GATM: variants seen among roughly 807,000 people sequenced by gnomAD.
GATM encodes glycine amidinotransferase, mitochondrial.
GATM carries 23 observed loss-of-function variants against 54.2 expected under a neutral mutation model. The observed-to-expected ratio is 0.42, with a 90% confidence interval of 0.31 to 0.60. GATM has a LOEUF of 0.60. Ranked by LOEUF, GATM falls within the 20% of genes least tolerant of loss-of-function variation. The probability of loss-of-function intolerance (pLI) is 0.14; values close to 1 mark genes in which losing one functional copy is unlikely to be tolerated. For synonymous variants in GATM, 168 were observed against 183.1 expected (o/e 0.92, Z 0.67); for missense variants, 401 against 544.9 (o/e 0.74, Z 2.63).
At chr15:45,390,587 T>C (rs1397220573) in intron 3 of GATM, among the ~76,000 whole-genome samples, 2 of 152,150 alleles carry the variant, frequency 1.3e-5, no homozygotes, top group Non-Finnish European at 2.9e-5. Flanking sequence ...TACCCCAAAA[T>C]TGCACTTGAG....
intron 3 of GATM, among the ~76,000 whole-genome samples, chr15:45,389,333 G>A (rs1277764816): frequency 1.3e-5 from 2 of 152,190 alleles, no homozygotes; most frequent in African/African-American, 4.8e-5. Context: ...TGAACTTGAT[G>A]ACCTCTAAGG....
chr15:45,369,024 C>T (rs1475086423), intron 3 of GATM, among the ~76,000 whole-genome samples: 1 of 152,170 alleles, frequency 6.6e-6, no homozygotes, highest in African/African-American at 2.4e-5. Flanking sequence ...TTCTATTCCC[C>T]TTTTAATTTC....
At chr15:45,373,377 C>T (rs1199411387) in intron 2 of GATM, 1 of 152,112 alleles carries the variant, frequency 6.6e-6, no homozygotes, top group African/African-American at 2.4e-5. Flanking sequence ...GTGGGGGACA[C>T]CTGTAGTCCC....
intron 8 of GATM, among the ~76,000 whole-genome samples, chr15:45,362,445 T>C (rs955285677): frequency 6.6e-6 from 1 of 152,242 alleles, no homozygotes; most frequent in African/African-American, 2.4e-5. Flanking sequence ...TTTTGTTCTA[T>C]TGACTATTCA....
intron 1 of GATM, among the ~76,000 whole-genome samples, chr15:45,401,476 G>C (rs767665469): frequency 8.5e-5 from 13 of 152,090 alleles, no homozygotes; most frequent in Non-Finnish European, 1.6e-4. Context: ...AGTATCTGTA[G>C]TTCTTTTTTA....
At position 45,369,325 on chromosome 15, in the gene GATM, C is replaced by A. The variant is rs80338738; in HGVS notation, c.484+1G>T. On this transcript the variant is annotated splice_donor_variant, in intron 3 of 8. Transcript: ENST00000396659. LOFTEE classifies it high-confidence loss of function. Reference sequence around the variant, plus strand: ...CAGTTTAGTTATCTGACATCACTTACCCGTAGACTCAAAATCAGGAGTTTT... The same window carrying A: ...CAGTTTAGTTATCTGACATCACTTAACCGTAGACTCAAAATCAGGAGTTTT... 1 of 1,613,182 alleles carries A rather than the reference C, an allele frequency of 6.2e-7. No homozygotes were observed. Among genetic ancestry groups the A allele is most frequent in the East Asian group, 2.2e-5 (1 of 44,874 alleles).
At position 45,368,560 on chromosome 15, in the gene GATM, C is replaced by G. The variant is rs1153855; in HGVS notation, c.485-300G>C. On this transcript the variant is annotated intron_variant, in intron 3 of 8. Transcript: ENST00000396659. This position sits in a 1 kb window ranked among gnomAD's most constrained non-coding sequence, Gnocchi z 5.1. ...CCAAGAGGCAAAGGCTGCAGTGAGC[C>G]GAGATTGTGCCACCACACTCCAGCC... Among the ~76,000 whole-genome samples the G allele has an allele frequency of 0.56, 85,091 of 151,640 alleles. 27,354 individuals are homozygous for G. Among genetic ancestry groups the G allele is most frequent in the East Asian group, 0.91 (4,699 of 5,174 alleles).
At chr15:45,377,272 T>C (rs1022010513) in intron 1 of GATM, 2 of 464,074 alleles carry the variant, frequency 4.3e-6, no homozygotes, top group African/African-American at 4.0e-5. Context: ...ATTAGGCTTT[T>C]TATTTATTTT....
intron 1 of GATM, chr15:45,377,462 G>GTCA (rs1370728411): frequency 5.7e-6 from 2 of 353,982 alleles, no homozygotes; most frequent in East Asian, 1.5e-4. Flanking sequence ...CCTAGCCAAG[G>GTCA]TCAGGATTAG....
rs1200749438 is a variant in GATM, at chr15:45,361,874, T to G, written c.*235A>C. The G allele has an allele frequency of 5.4e-6, 3 of 551,608 alleles. No homozygotes were observed. Among genetic ancestry groups the G allele is most frequent in the Non-Finnish European group, 9.6e-6 (3 of 312,256 alleles). 34.2% of individuals were successfully genotyped at this position (551,608 alleles called of 1,614,324 possible). On this transcript the variant is annotated 3_prime_UTR_variant, in exon 9 of 9. Coordinates refer to ENST00000396659, the MANE Select transcript of GATM (RefSeq NM_001482.3). ...TTTCTTGGTACACATTCACCAAAAT[T>G]TTATACTTGAAGCCAAATAGTAAAT...
chr15:45,392,688 A>C (rs1281407201), intron 3 of GATM, among the ~76,000 whole-genome samples: 1 of 152,214 alleles, frequency 6.6e-6, no homozygotes, highest in East Asian at 1.9e-4. Flanking sequence ...TAAATTTCCC[A>C]AAAGCATTGT....
At position 45,378,423 on chromosome 15, in the gene GATM, TC is replaced by T; in HGVS notation, c.30del (p.Ser11AlafsTer18). 6.7e-7 allele frequency: 1 copy of T among 1,500,748 alleles called. No homozygotes were observed. The highest frequency in any genetic ancestry group is 1.2e-5 in the South Asian group (1 of 80,228). 93.0% of individuals were successfully genotyped at this position (1,500,748 alleles called of 1,614,324 possible). A position where few individuals can be genotyped will look rare whatever the true frequency, so the allele number is the denominator to read the frequency against. On this transcript the variant is annotated frameshift_variant, in exon 1 of 9. Coordinates refer to ENST00000396659, the MANE Select transcript of GATM (RefSeq NM_001482.3). LOFTEE classifies it high-confidence loss of function. The part of the protein sequence containing the change: MLRVRCLRG[G>X]SRGAEAVHYI... ...TAGTGCACCGCCTCGGCGCCGCGGC[TC>T]CCGCCGCGCAGACACCGCACCCGCA...
chr15:45,402,199 T>TA (rs1334656858), exon 1 of GATM: 1 of 570,954 alleles, frequency 1.8e-6, no homozygotes, highest in Non-Finnish European at 2.9e-6. Context: ...GGGAAAGCTC[T>TA]GGGTTAGGCA....
chr15:45,386,789 G>A (rs1287606923), intron 3 of GATM, among the ~76,000 whole-genome samples: 1 of 152,132 alleles, frequency 6.6e-6, no homozygotes, highest in Non-Finnish European at 1.5e-5. Flanking sequence ...ATTCTTACTT[G>A]TCTTGGGCAA....
In GATM at chr15:45,375,468, A is replaced by G. The variant is rs1566842390; in HGVS notation, c.288+1133T>C. 2.6e-5 allele frequency among the ~76,000 whole-genome samples: 4 copies of G among 152,340 alleles called. 1 individual carries two copies. In the South Asian group the frequency reaches 8.3e-4, roughly 32 times the overall value. On this transcript the variant is annotated intron_variant, in intron 2 of 8. Transcript: ENST00000396659. ...ATTGAAGCTAGGTGGTGGTAGGTTT[A>G]AACTACAGACTAAAGGGCACAGGAA...
chr15:45,366,401 A>T lies in GATM; in HGVS notation c.783T>A (p.Ala261=). The change falls in exon 5 of 9, where the codon GCT becomes GCA. Residue 261 remains alanine, a synonymous_variant. Coordinates refer to ENST00000396659, the MANE Select transcript of GATM (RefSeq NM_001482.3). ...PCFDAADFIR[A]GRDIFAQRSQ... is the part of the protein sequence containing the mutation. ...TTCTCTGTGCAAAAATATCTCTTCC[A>T]GCTCGAATGAAGTCAGCAGCATCAA... 6.2e-7 allele frequency: 1 copy of T among 1,614,210 alleles called. No individual in the cohort carries two copies. The highest frequency in any genetic ancestry group is 8.5e-7 in the Non-Finnish European group (1 of 1,180,034).
At chr15:45,364,238 T>C in intron 7 of GATM, 6 of 540,820 alleles carry the variant, frequency 1.1e-5, no homozygotes, top group South Asian at 1.0e-4. Context: ...AAAAGTCATA[T>C]CTTGGCTGGG....
At chr15:45,366,243 A>C (rs201984342) in intron 5 of GATM, 33 bp from the exon 6 acceptor site, 9 of 1,613,360 alleles carry the variant, frequency 5.6e-6, no homozygotes, top group African/African-American at 2.7e-5. Context: ...CGATCGATAA[A>C]TATTTGGTTC....
At chr15:45,375,217 C>A (rs1329135690) in intron 2 of GATM, among the ~76,000 whole-genome samples, 2 of 152,026 alleles carry the variant, frequency 1.3e-5, no homozygotes, top group African/African-American at 2.4e-5. Context: ...ACTACAGGCA[C>A]CCGCCACCAC....
Sources: allele counts gnomAD v4.1 joint callset (sites outside exome capture counted in the v4.1 genomes callset), GRCh38; gene constraint gnomAD v4.1.1; non-coding constraint Gnocchi (gnomAD v3.1); transcripts MANE v1.5; gene names NCBI Gene and HGNC (gene_info 2026-07-23, HGNC 2026-07-21).